Variants in TRA2A observed in about 807,000 individuals in gnomAD.
TRA2A encodes the protein transformer-2 protein homolog alpha.
In TRA2A, 31 loss-of-function variants were observed where a neutral mutation model predicts 45.7. The observed-to-expected ratio is 0.68, with a 90% CI of 0.51 to 0.92. The LOEUF (loss-of-function observed/expected upper bound fraction) is 0.92. Ranked by LOEUF, TRA2A falls within the 40% of genes least tolerant of loss-of-function variation. The pLI, the probability that TRA2A is intolerant of heterozygous loss-of-function variation, is 0.00. For synonymous variants in TRA2A, 132 were observed against 126.2 expected (o/e 1.05, Z -0.31); for missense variants, 304 against 367.5 (o/e 0.83, Z 1.41).
chr7:23,507,557 A>C, intron 4 of TRA2A, 22 bp from the exon 5 acceptor site: 3 of 1,540,600 alleles, frequency 1.9e-6, no homozygotes, highest in Non-Finnish European at 2.7e-6. Context: ...AGGCACAAAA[A>C]GTCACGTATA....
chr7:23,509,598 T>TG (rs1230398467), intron 4 of TRA2A, among the ~76,000 whole-genome samples: 5 of 152,158 alleles, frequency 3.3e-5, no homozygotes, highest in African/African-American at 1.2e-4. Context: ...TAGCTGGGTG[T>TG]GGTGGCATGC....
rs1423640807 is a variant in TRA2A, at chr7:23,511,438, G to A, written c.525+1456C>T. On this transcript the variant is annotated intron_variant, in intron 4 of 7. Transcript: ENST00000297071. ...AAAGAAAAGAAAAGAAAAACACCCTGATTATTAAGGTCTAATAAAACTTCC... is the reference window on the plus strand; with the variant it reads ...AAAGAAAAGAAAAGAAAAACACCCTAATTATTAAGGTCTAATAAAACTTCC... 3.7e-5 allele frequency among the ~76,000 whole-genome samples: 5 copies of A among 136,616 alleles called. No individual in the cohort carries two copies. The South Asian group carries it at 7.1e-4, about 19-fold the overall frequency. The allele number at this position is 136,616 out of a possible 152,430, so 89.6% of individuals were successfully genotyped here.
At chr7:23,517,053 C>T (rs561779386) in intron 2 of TRA2A, among the ~76,000 whole-genome samples, 5 of 151,358 alleles carry the variant, frequency 3.3e-5, no homozygotes, top group Admixed American at 6.6e-5. Context: ...GGTTGCAAGC[C>T]GAGATTGCGC....
chr7:23,520,922 A>T (rs1450980347), intron 2 of TRA2A, among the ~76,000 whole-genome samples: 3 of 151,938 alleles, frequency 2.0e-5, no homozygotes, highest in African/African-American at 7.3e-5. Flanking sequence ...AAAACTCCTG[A>T]CCTCAAGTTA....
At chr7:23,517,105 A>T (rs533428923) in intron 2 of TRA2A, among the ~76,000 whole-genome samples, 2 of 152,184 alleles carry the variant, frequency 1.3e-5, no homozygotes, top group East Asian at 3.9e-4. Context: ...CTCTGTCTCA[A>T]ATAAATAAAT....
intron 3 of TRA2A, 37 bp downstream of exon 3, chr7:23,516,326 G>C (rs780222576): frequency 6.2e-7 from 1 of 1,609,446 alleles, no homozygotes; most frequent in Non-Finnish European, 8.5e-7. Context: ...ACATAAAAGA[G>C]AAAATAAGTC....
chr7:23,530,472 G>C (rs1790527876), intron 1 of TRA2A, among the ~76,000 whole-genome samples: 1 of 152,168 alleles, frequency 6.6e-6, no homozygotes, highest in Non-Finnish European at 1.5e-5. Flanking sequence ...TCGCCCTTCA[G>C]CACACACACC....
chr7:23,512,890 T>C lies in TRA2A; in HGVS notation c.525+4A>G. On this transcript the variant is annotated splice_donor_region_variant and intron_variant, in intron 4 of 7. Transcript: ENST00000297071. ...ATAATCAGGCATATAAAAGACAAATTTACCTCCTTTGAGTCATCTATTCTC... is the reference window on the plus strand; with the variant it reads ...ATAATCAGGCATATAAAAGACAAATCTACCTCCTTTGAGTCATCTATTCTC... 1 of 1,601,098 alleles carries C rather than the reference T, an allele frequency of 6.2e-7. No individual in the cohort carries two copies. Among genetic ancestry groups the C allele is most frequent in the Non-Finnish European group, 8.5e-7 (1 of 1,172,452 alleles).
chr7:23,527,374 C>T lies in TRA2A; in HGVS notation c.36+4415G>A, dbSNP rs527386327. Among the ~76,000 whole-genome samples, 7 of 152,126 alleles carry T rather than the reference C, an allele frequency of 4.6e-5. No individual in the cohort carries two copies. In the South Asian group the frequency reaches 1.4e-3, roughly 31 times the overall value. ...TTTTCTTCAGTGTATACAATCTTTCCCTCATCTAGTTGTTACTATTTTTTT... is the reference window on the plus strand; with the variant it reads ...TTTTCTTCAGTGTATACAATCTTTCTCTCATCTAGTTGTTACTATTTTTTT... On this transcript the variant is annotated intron_variant, in intron 1 of 7. Transcript: ENST00000297071.
At chr7:23,530,719 C>T (rs376648743) in intron 1 of TRA2A, among the ~76,000 whole-genome samples, 3 of 152,076 alleles carry the variant, frequency 2.0e-5, no homozygotes, top group African/African-American at 7.2e-5. Flanking sequence ...ATTTCTCCGA[C>T]CCCAAATATA....
intron 1 of TRA2A, among the ~76,000 whole-genome samples, chr7:23,524,480 G>A (rs977989559): frequency 4.0e-5 from 6 of 151,294 alleles, no homozygotes; most frequent in East Asian, 2.0e-4. Flanking sequence ...CACCGCGCCC[G>A]GCCAACATCA....
intron 4 of TRA2A, among the ~76,000 whole-genome samples, chr7:23,509,708 G>T (rs1346286834): frequency 6.7e-6 from 1 of 149,792 alleles, no homozygotes; most frequent in Non-Finnish European, 1.5e-5. Flanking sequence ...CCTCCAGCCT[G>T]GCAACAGAGC....
intron 1 of TRA2A, among the ~76,000 whole-genome samples, chr7:23,529,237 TC>T (rs1311569118): frequency 6.6e-6 from 1 of 152,170 alleles, no homozygotes; most frequent in Non-Finnish European, 1.5e-5. Flanking sequence ...CACTCCCAGC[TC>T]CAAAGGACAT....
At chr7:23,505,985 T>C (rs1294325286) in intron 6 of TRA2A, 153 bp downstream of exon 6, 1 of 733,190 alleles carries the variant, frequency 1.4e-6, no homozygotes, top group Non-Finnish European at 2.2e-6. Context: ...AACAAAATAC[T>C]GACATATACA....
chr7:23,511,248 G>A (rs941843388), intron 4 of TRA2A, among the ~76,000 whole-genome samples: 8 of 151,428 alleles, frequency 5.3e-5, no homozygotes, highest in African/African-American at 1.9e-4. Context: ...GCGGGCGTCT[G>A]TAGTCCCAGC....
In TRA2A at chr7:23,505,389, TA is replaced by T; in HGVS notation, c.*169del. 2.2e-6 allele frequency: 1 copy of T among 460,966 alleles called. No homozygotes were observed. 28.6% of individuals were successfully genotyped at this position (460,966 alleles called of 1,614,324 possible). A position where few individuals can be genotyped will look rare whatever the true frequency, so the allele number is the denominator to read the frequency against. On this transcript the variant is annotated 3_prime_UTR_variant, in exon 8 of 8. Coordinates refer to ENST00000297071, the MANE Select transcript of TRA2A (RefSeq NM_013293.5). The stretch of plus-strand genomic sequence containing the variant: ...ACAATTACATCTTTTAAGAGTATAA[TA>T]AAATGGGTGGAAAACAGCAACACAA...
chr7:23,506,610 GTAAA>G (rs556965645), intron 5 of TRA2A: 34 of 242,050 alleles, frequency 1.4e-4, no homozygotes, highest in Admixed American at 1.4e-3. Flanking sequence ...AATGAGACTG[GTAAA>G]TAAATAAATA....
At chr7:23,509,491 T>C (rs985612885) in intron 4 of TRA2A, among the ~76,000 whole-genome samples, 1 of 152,184 alleles carries the variant, frequency 6.6e-6, no homozygotes, top group Admixed American at 6.5e-5. Flanking sequence ...CTCCCAGCAC[T>C]TTGGGAGGCC....
At chr7:23,509,369 T>C (rs1044050898) in intron 4 of TRA2A, among the ~76,000 whole-genome samples, 1 of 152,152 alleles carries the variant, frequency 6.6e-6, no homozygotes, top group Non-Finnish European at 1.5e-5. Flanking sequence ...CTAATAACTT[T>C]GAAACTTCAG....
Sources: gnomAD v4.1 joint callset for allele counts (sites outside exome capture counted in the v4.1 genomes callset) on GRCh38, gnomAD v4.1.1 for gene constraint, MANE v1.5 for transcripts, NCBI Gene and HGNC (gene_info 2026-07-23, HGNC 2026-07-21) for gene names.